The following CDHR5 variants were observed in gnomAD, a reference collection of about 807,000 sequenced individuals.
CDHR5 encodes the protein cadherin-related family member 5.
Under a neutral mutation model 69.5 loss-of-function variants are expected in CDHR5, and 82 were observed. The ratio of observed to expected loss-of-function variants is 1.18; its 90% CI spans 0.99 to 1.42. The LOEUF (loss-of-function observed/expected upper bound fraction) is 1.42, where lower values mean the gene tolerates loss of function less well. Ranked by LOEUF, CDHR5 falls within the 40% of genes most tolerant of loss-of-function variation. CDHR5 has a pLI of 0.00. For missense variants in CDHR5, 1,293 were observed against 1,168.9 expected (o/e 1.11, Z -1.55); for synonymous variants, 601 against 510.2 (o/e 1.18, Z -2.40).
chr11:617,580 C>T lies in CDHR5; in HGVS notation c.2309G>A (p.Ser770Asn). The change falls in exon 15 of 15, where the codon AGC becomes AAC. Residue 770 changes from serine to asparagine, a missense_variant. Coordinates refer to ENST00000397542, the MANE Select transcript of CDHR5 (RefSeq NM_021924.5). ...EPPAAARAGGSPTAVRSILTK... is the reference protein window; with the variant it reads ...EPPAAARAGGNPTAVRSILTK... ...CAGGATGGACCTCACCGCCGTGGGG[C>T]TTCCGCCAGCTCGGGCCGCTGCGGG... 1 of 1,611,052 alleles carries T rather than the reference C, an allele frequency of 6.2e-7. No individual in the cohort carries two copies. Among genetic ancestry groups the T allele is most frequent in the Non-Finnish European group, 8.5e-7 (1 of 1,179,026 alleles).
In CDHR5 at chr11:624,559, C is replaced by T. The variant is rs1171528887; in HGVS notation, c.259G>A (p.Glu87Lys). The T allele has an allele frequency of 3.1e-6, 5 of 1,605,760 alleles. No homozygotes were observed. Among genetic ancestry groups the T allele is most frequent in the Non-Finnish European group, 4.3e-6 (5 of 1,174,576 alleles). ...QLFLNVTPDY[E>K]EKSLLEAQLL... ...TCCCGCCCGCCTGCCGCCCACACCT[C>T]GTAATCAGGAGTCACGTTGAGAAAC... Residue 87 changes from glutamate (E) to lysine (K), a missense_variant and splice_region_variant, in exon 2 of 15, where the codon GAG becomes AAG. Physicochemically the swap from Glu to Lys is moderately conservative, Grantham distance 56. Coordinates refer to ENST00000397542, the MANE Select transcript of CDHR5 (RefSeq NM_021924.5). The surrounding 1 kb of genome is among the most constrained non-coding windows in gnomAD (Gnocchi z 5.3).
In CDHR5 at chr11:620,164, C is replaced by T; in HGVS notation, c.881G>A (p.Gly294Glu). Reference sequence around the variant, plus strand: ...GATGATGAATGTACCATTCACGTTTCCTGGGAGGATGATGGAAGTGCTCAG... The same window carrying T: ...GATGATGAATGTACCATTCACGTTTTCTGGGAGGATGATGGAAGTGCTCAG... ...NQPIIYSIFRGNVNGTFIIHP... is the reference protein window; with the variant it reads ...NQPIIYSIFRENVNGTFIIHP... Residue 294 changes from glycine to glutamate, a missense_variant and splice_region_variant, in exon 9 of 15, where the codon GGA becomes GAA. Transcript: ENST00000397542. 1 of 1,613,306 alleles carries T rather than the reference C, an allele frequency of 6.2e-7. No individual in the cohort carries two copies. Among genetic ancestry groups the T allele is most frequent in the Non-Finnish European group, 8.5e-7 (1 of 1,179,438 alleles).
intron 12 of CDHR5, 41 bp downstream of exon 12, chr11:619,265 T>C: frequency 2.0e-6 from 3 of 1,525,910 alleles, no homozygotes; most frequent in East Asian, 2.3e-5. Context: ...AAGGGGCTTA[T>C]TTGGAGAACC....
At position 617,570 on chromosome 11, in the gene CDHR5, C is replaced by T. The variant is rs150870939; in HGVS notation, c.2319G>A (p.Ala773=). The T allele has an allele frequency of 2.9e-3, 4,620 of 1,611,652 alleles. 176 individuals carry two copies. The Admixed American group carries it at 0.066, about 23-fold the overall frequency. The change falls in exon 15 of 15, where the codon GCG becomes GCA. Residue 773 remains alanine (A), a synonymous_variant. Coordinates refer to ENST00000397542, the MANE Select transcript of CDHR5 (RefSeq NM_021924.5). ...GCTCCTTGGTCAGGATGGACCTCAC[C>T]GCCGTGGGGCTTCCGCCAGCTCGGG... ...AAARAGGSPT[A]VRSILTKERR...
Position 619,156 on chromosome 11 carries a change from C to T in CDHR5, c.1403G>A (p.Gly468Glu), listed in dbSNP as rs565552542. The T allele has an allele frequency of 4.5e-6, 7 of 1,559,102 alleles. No individual in the cohort carries two copies. The highest frequency in any genetic ancestry group is 1.2e-5 in the South Asian group (1 of 84,946). Residue 468 changes from glycine (G) to glutamate (E), a missense_variant, in exon 13 of 15, where the codon GGA becomes GAA. Transcript: ENST00000397542. ...GCTGGTCCAGGGCCCAGTTGTTCCTCCAGCCTCTGGGGATGGGGGGACATC... is the reference window on the plus strand; with the variant it reads ...GCTGGTCCAGGGCCCAGTTGTTCCTTCAGCCTCTGGGGATGGGGGGACATC... Reference protein sequence around the residue: ...STDVPPSPEAGGTTGPWTSTT... With the variant: ...STDVPPSPEAEGTTGPWTSTT...
At chr11:622,423 G>A (rs921224238) in intron 3 of CDHR5, among the ~76,000 whole-genome samples, 3 of 127,940 alleles carry the variant, frequency 2.3e-5, no homozygotes, top group South Asian at 2.5e-4. Context: ...TCTTTTCTCT[G>A]TTTTTTTTTT....
chr11:621,838 T>TA lies in CDHR5; in HGVS notation c.378dup (p.Lys127Ter), dbSNP rs908124072. The TA allele has an allele frequency of 6.2e-7, 1 of 1,613,462 alleles. No individual in the cohort carries two copies. The highest frequency in any genetic ancestry group is 8.5e-7 in the Non-Finnish European group (1 of 1,179,776). ...TCCTCCACCCTTATCTCCTTGGTCT[T>TA]AAAGGGGAATTCGGGGGCATTGTCA... On this transcript the variant is annotated frameshift_variant, in exon 4 of 15. Transcript: ENST00000397542. LOFTEE classifies it high-confidence loss of function. The surrounding 1 kb of genome is among the most constrained non-coding windows in gnomAD (Gnocchi z 4.4).
chr11:623,166 G>A (rs1475141476), intron 3 of CDHR5, among the ~76,000 whole-genome samples: 1 of 152,038 alleles, frequency 6.6e-6, no homozygotes, highest in African/African-American at 2.4e-5. Flanking sequence ...AAAATTAGCC[G>A]GCCGTGGTGG....
chr11:618,944 T>G lies in CDHR5; in HGVS notation c.1615A>C (p.Thr539Pro), dbSNP rs766442498. The G allele has an allele frequency of 3.1e-5, 50 of 1,611,630 alleles. No homozygotes were observed. Among genetic ancestry groups the G allele is most frequent in the Non-Finnish European group, 4.2e-5 (50 of 1,178,528 alleles). The change falls in exon 13 of 15, where the codon ACA (threonine) becomes CCA (proline). Residue 539 changes from threonine (T) to proline (P), a missense_variant. Transcript: ENST00000397542. The part of the protein sequence containing the change: ...SHQPATPGGD[T>P]AQTPKPGTSQ... ...GTTCCTGGCTTTGGGGTCTGTGCTG[T>G]GTCCCCACCGGGAGTGGCTGGTTGG...
chr11:618,840 G>A lies in CDHR5; in HGVS notation c.1719C>T (p.Thr573=), dbSNP rs1857163065. ...TCGGCTGAGAGGTTCCTGGCTCTGG[G>A]GTCTGTGCTGTGCCCCCACTGGGTG... The part of the protein sequence containing the change: ...PATPSGGTAQ[T]PEPGTSQPMP... Residue 573 remains threonine (T), a synonymous_variant, in exon 13 of 15, where the codon ACC becomes ACT. Coordinates refer to ENST00000397542, the MANE Select transcript of CDHR5 (RefSeq NM_021924.5). The A allele has an allele frequency of 1.2e-6, 2 of 1,611,094 alleles. No individual in the cohort carries two copies. Among genetic ancestry groups the A allele is most frequent in the East Asian group, 2.2e-5 (1 of 44,746 alleles).
At chr11:622,600 C>A (rs928785053) in intron 3 of CDHR5, among the ~76,000 whole-genome samples, 7 of 152,134 alleles carry the variant, frequency 4.6e-5, no homozygotes, top group African/African-American at 1.7e-4. Context: ...CTCGGCCTCC[C>A]AAAGTGCTGG....
chr11:617,686 C>T lies in CDHR5; in HGVS notation c.2203G>A (p.Asp735Asn), dbSNP rs930073262. The T allele has an allele frequency of 1.4e-4, 201 of 1,474,756 alleles. No homozygotes were observed. The highest frequency in any genetic ancestry group is 1.6e-4 in the Non-Finnish European group (184 of 1,119,754). 91.4% of individuals were successfully genotyped at this position (1,474,756 alleles called of 1,614,324 possible). ...NWAPVPSPTH[D>N]PKPAEAPMPA... Reference sequence around the variant, plus strand: ...ATCGGTGCCTCCGCGGGCTTGGGGTCGTGCGTGGGGCTGGGGACGGGCGCC... The same window carrying T: ...ATCGGTGCCTCCGCGGGCTTGGGGTTGTGCGTGGGGCTGGGGACGGGCGCC... The change falls in exon 15 of 15, where the codon GAC (aspartate) becomes AAC (asparagine). Residue 735 changes from aspartate to asparagine, a missense_variant. Physicochemically the swap from Asp to Asn is conservative, Grantham distance 23. Transcript: ENST00000397542.
Position 621,181 on chromosome 11 carries a change from C to T in CDHR5, c.688G>A (p.Ala230Thr), listed in dbSNP as rs759315667. ...TATLVLNVVP[A>T]DLRPPWFLPC... is the part of the protein sequence containing the mutation. The stretch of plus-strand genomic sequence containing the variant: ...AGGAACCACGGGGGCCGCAGGTCGG[C>T]GGGCACCACGTTCAGCACTAGTGTG... The change falls in exon 7 of 15, where the codon GCC (alanine) becomes ACC (threonine). Residue 230 changes from alanine (A) to threonine (T), a missense_variant. Physicochemically the swap from Ala to Thr is moderately conservative, Grantham distance 58 (BLOSUM62 0). Transcript: ENST00000397542. The surrounding 1 kb of genome is among the most constrained non-coding windows in gnomAD (Gnocchi z 4.4). The T allele has an allele frequency of 2.6e-5, 42 of 1,605,246 alleles. No individual in the cohort carries two copies. Among genetic ancestry groups the T allele is most frequent in the Non-Finnish European group, 2.6e-5 (31 of 1,175,560 alleles).
At chr11:620,907 A>C (rs114075102) in intron 7 of CDHR5, among the ~76,000 whole-genome samples, 173 bp downstream of exon 7, 2,380 of 152,210 alleles carry the variant, frequency 0.016, 62 homozygotes, top group African/African-American at 0.054. Context: ...CTCACCGCTC[A>C]AGATGGGAAG....
Position 620,176 on chromosome 11 carries a change from A to C in CDHR5, c.881-12T>G. 6.2e-7 allele frequency: 1 copy of C among 1,610,162 alleles called. No homozygotes were observed. The highest frequency in any genetic ancestry group is 1.7e-5 in the Admixed American group (1 of 59,894). ...ACCATTCACGTTTCCTGGGAGGATG[A>C]TGGAAGTGCTCAGCCCCGGCCCCCT... is the stretch of plus-strand genomic sequence containing the variant. On this transcript the variant is annotated splice_polypyrimidine_tract_variant and intron_variant, in intron 8 of 14. Coordinates refer to ENST00000397542, the MANE Select transcript of CDHR5 (RefSeq NM_021924.5).
rs186751692 is a variant in CDHR5 at position 617,158 on chromosome 11, C to G, written c.*193G>C. On this transcript the variant is annotated 3_prime_UTR_variant, in exon 15 of 15. Coordinates refer to ENST00000397542, the MANE Select transcript of CDHR5 (RefSeq NM_021924.5). ...GGGACAGCGTGGCCAGACCCACCGC[C>G]TCATCTGCACACCTGGGCTCAAGCG... 48 of 595,210 alleles carry G rather than the reference C, an allele frequency of 8.1e-5. 1 individual carries two copies. Among genetic ancestry groups the G allele is most frequent in the Non-Finnish European group, 1.4e-4 (46 of 330,426 alleles). The allele number at this position is 595,210 out of a possible 1,614,324, so 36.9% of individuals were successfully genotyped here.
In CDHR5 at chr11:620,375, G is replaced by A. The variant is rs139559471; in HGVS notation, c.801C>T (p.Leu267=). 1.5e-4 allele frequency: 242 copies of A among 1,605,748 alleles called. No individual in the cohort carries two copies. Among genetic ancestry groups the A allele is most frequent in the Non-Finnish European group, 1.9e-4 (219 of 1,174,604 alleles). ...VPTGHILPSP[L]VLRPGPIYAE... ...CGTAGATGGGTCCGGGACGCAGGAC[G>A]AGGGGAGATGGCTTCAGGGATGGCG... The change falls in exon 8 of 15, where the codon CTC becomes CTT. Residue 267 remains leucine, a synonymous_variant. Transcript: ENST00000397542.
chr11:622,087 C>T (rs1022122355), intron 3 of CDHR5, among the ~76,000 whole-genome samples, 183 bp from the exon 4 acceptor site: 2 of 151,800 alleles, frequency 1.3e-5, no homozygotes, highest in African/African-American at 4.8e-5. Flanking sequence ...CACCCCTCAA[C>T]GGCCACCCGT....
rs181009521 is a variant in CDHR5 at position 619,538 on chromosome 11, C to T, written c.1229G>A (p.Arg410Gln). 29 of 1,614,010 alleles carry T rather than the reference C, an allele frequency of 1.8e-5. No homozygotes were observed. The highest frequency in any genetic ancestry group is 2.7e-5 in the African/African-American group (2 of 75,018). The change falls in exon 11 of 15, where the codon CGG (arginine) becomes CAG (glutamine). Residue 410 changes from arginine (R) to glutamine (Q), a missense_variant. Coordinates refer to ENST00000397542, the MANE Select transcript of CDHR5 (RefSeq NM_021924.5). ...GGTCAGCACAACCTCTCCCTCCATC[C>T]GGAAGTGTGAGTGGTTGGTAATTCG... ...TYRITNHSHF[R>Q]MEGEVVLTTT...
Sources: gnomAD v4.1 joint callset for allele counts (sites outside exome capture counted in the v4.1 genomes callset) on GRCh38, gnomAD v4.1.1 for gene constraint, Gnocchi (gnomAD v3.1) non-coding constraint, MANE v1.5 for transcripts, NCBI Gene and HGNC (gene_info 2026-07-23, HGNC 2026-07-21) for gene names.